Variants in COL21A1 observed in about 807,000 individuals in gnomAD.
The protein encoded by COL21A1 is collagen type XXI alpha 1 chain, also known as collagen alpha-1(XXI) chain.
COL21A1 carries 149 observed loss-of-function variants against 137.9 expected under a neutral mutation model. The observed-to-expected ratio is 1.08, with a 90% CI of 0.95 to 1.24. The LOEUF (loss-of-function observed/expected upper bound fraction) is 1.24. Ranked by LOEUF, COL21A1 falls within the 50% of genes most tolerant of loss-of-function variation. The probability of loss-of-function intolerance (pLI) is 0.00; values close to 1 mark genes in which losing one functional copy is unlikely to be tolerated. For synonymous variants in COL21A1, 456 were observed against 391.5 expected (o/e 1.16, Z -1.95); for missense variants, 1,167 against 1,158.4 (o/e 1.01, Z -0.11).
chr6:56,148,368 G>GAGAGAGAGAGAGAGAGAGAGAGAA lies in COL21A1; in HGVS notation c.1435-6386_1435-6385insTTCTCTCTCTCTCTCTCTCTCTCT, dbSNP rs1208798741. Among the ~76,000 whole-genome samples, 176 of 150,196 alleles carry GAGAGAGAGAGAGAGAGAGAGAGAA rather than the reference G, an allele frequency of 1.2e-3. 1 individual carries two copies. The highest frequency in any genetic ancestry group is 4.0e-3 in the African/African-American group (163 of 40,334). On this transcript the variant is annotated intron_variant, in intron 10 of 29. Transcript: ENST00000244728. Reference sequence around the variant, plus strand: ...AGAGAGAGAGAGAGAGAGAGAGAGAGAAACACATAAAATAAATAAATAAAT... The same window carrying GAGAGAGAGAGAGAGAGAGAGAGAA: ...AGAGAGAGAGAGAGAGAGAGAGAGAGAGAGAGAGAGAGAGAGAGAGAGAAAAACACATAAAATAAATAAATAAAT...
At chr6:56,260,440 G>A (rs538570297) in intron 1 of COL21A1, among the ~76,000 whole-genome samples, 58 of 151,770 alleles carry the variant, frequency 3.8e-4, no homozygotes, top group Non-Finnish European at 6.9e-4. Flanking sequence ...CAGGCGTGGT[G>A]GCATGTACCT....
chr6:56,359,047 T>C (rs1014755139), intron 1 of COL21A1, among the ~76,000 whole-genome samples: 4 of 143,494 alleles, frequency 2.8e-5, no homozygotes, highest in Non-Finnish European at 4.8e-5. Flanking sequence ...AAAACTTTCA[T>C]AGAATTTAGT....
chr6:56,116,907 T>C (rs1771985848), intron 16 of COL21A1, among the ~76,000 whole-genome samples: 1 of 151,882 alleles, frequency 6.6e-6, no homozygotes, highest in East Asian at 1.9e-4. Context: ...TAATGGGTTA[T>C]AAAATAATAT....
At chr6:56,196,049 G>A (rs983455485) in intron 1 of COL21A1, among the ~76,000 whole-genome samples, 1 of 152,118 alleles carries the variant, frequency 6.6e-6, no homozygotes, top group African/African-American at 2.4e-5. Flanking sequence ...TCCCTGAGAT[G>A]CAAGGATGGT....
chr6:56,124,280 C>T lies in COL21A1; in HGVS notation c.1663G>A (p.Glu555Lys). 6.2e-7 allele frequency: 1 copy of T among 1,603,026 alleles called. No homozygotes were observed. The highest frequency in any genetic ancestry group is 1.1e-5 in the South Asian group (1 of 88,660). Reference protein sequence around the residue: ...GFYGKKGAKGEKGNAGFPGLP... With the variant: ...GFYGKKGAKGKKGNAGFPGLP... Reference sequence around the variant, plus strand: ...CCAGGGAAGCCAGCATTCCCCTTTTCACCTTTTGCACCCTGTATCGAAAAC... The same window carrying T: ...CCAGGGAAGCCAGCATTCCCCTTTTTACCTTTTGCACCCTGTATCGAAAAC... Residue 555 changes from glutamate (E) to lysine (K), a missense_variant, in exon 15 of 30, where the codon GAA becomes AAA. Transcript: ENST00000244728.
At chr6:56,335,388 T>C (rs1765312459) in intron 1 of COL21A1, among the ~76,000 whole-genome samples, 1 of 152,156 alleles carries the variant, frequency 6.6e-6, no homozygotes, top group African/African-American at 2.4e-5. Context: ...GAAATCAGAT[T>C]GCTATCTCTA....
At chr6:56,071,248 A>T (rs1226469439) in intron 20 of COL21A1, among the ~76,000 whole-genome samples, 1 of 151,674 alleles carries the variant, frequency 6.6e-6, no homozygotes, top group Non-Finnish European at 1.5e-5. Flanking sequence ...TTTTTTGAAG[A>T]AGTGTGAATC....
chr6:56,212,695 T>G (rs949712817), intron 1 of COL21A1, among the ~76,000 whole-genome samples: 3 of 151,826 alleles, frequency 2.0e-5, no homozygotes, highest in Admixed American at 1.3e-4. Flanking sequence ...GAAAAATAGG[T>G]AACGAATTGA....
chr6:56,214,416 C>A (rs1780360446), intron 1 of COL21A1, among the ~76,000 whole-genome samples: 1 of 152,078 alleles, frequency 6.6e-6, no homozygotes. Flanking sequence ...TCATTACCAA[C>A]TTCACCTGGC....
chr6:56,078,246 G>C (rs1342915647), intron 17 of COL21A1: 1 of 455,268 alleles, frequency 2.2e-6, no homozygotes, highest in African/African-American at 2.0e-5. Flanking sequence ...AATAAATTTA[G>C]CACATTTATT....
intron 16 of COL21A1, among the ~76,000 whole-genome samples, chr6:56,108,131 T>C (rs1370297506): frequency 5.9e-5 from 9 of 151,584 alleles, no homozygotes; most frequent in Non-Finnish European, 1.5e-5. Context: ...TTTTCCTAAA[T>C]CCCAAAGAAA....
At chr6:56,098,696 A>AAT (rs1260833499) in intron 17 of COL21A1, among the ~76,000 whole-genome samples, 1 of 44,628 alleles carries the variant, frequency 2.2e-5, no homozygotes, top group African/African-American at 8.5e-5. Flanking sequence ...TAAATATATA[A>AAT]ATATATATAT....
intron 1 of COL21A1, among the ~76,000 whole-genome samples, chr6:56,190,722 C>T (rs989324948): frequency 6.6e-6 from 1 of 152,154 alleles, no homozygotes; most frequent in African/African-American, 2.4e-5. Flanking sequence ...CCCAGCAGCA[C>T]ATCAAAAACT....
At chr6:56,065,901 G>C (rs1766199077) in intron 23 of COL21A1, among the ~76,000 whole-genome samples, 1 of 151,934 alleles carries the variant, frequency 6.6e-6, no homozygotes, top group African/African-American at 2.4e-5. Context: ...GACTCAAGGA[G>C]ACCAGTTAGG....
At chr6:56,059,338 G>T (rs78472317) in intron 28 of COL21A1, 96 bp from the exon 29 acceptor site, 1 of 752,858 alleles carries the variant, frequency 1.3e-6, no homozygotes, top group Non-Finnish European at 2.0e-6. Flanking sequence ...AAAGAAAAAT[G>T]TCTTTTAAAA....
chr6:56,374,615 G>A (rs959241187), intron 1 of COL21A1, among the ~76,000 whole-genome samples: 3 of 151,444 alleles, frequency 2.0e-5, no homozygotes, highest in Admixed American at 6.6e-5. Context: ...CCAGCTACTC[G>A]GGAAGCTGAG....
At chr6:56,298,061 T>A (rs757872572) in intron 1 of COL21A1, among the ~76,000 whole-genome samples, 1 of 151,566 alleles carries the variant, frequency 6.6e-6, no homozygotes, top group Non-Finnish European at 1.5e-5. Context: ...TTCCTGGAGT[T>A]CAATTTCTTT....
Position 56,060,780 on chromosome 6 carries a change from C to G in COL21A1, c.2368G>C (p.Glu790Gln), listed in dbSNP as rs1490671294. 9 of 1,609,954 alleles carry G rather than the reference C, an allele frequency of 5.6e-6. No individual in the cohort carries two copies. Among genetic ancestry groups the G allele is most frequent in the Non-Finnish European group, 7.6e-6 (9 of 1,178,812 alleles). Residue 790 changes from glutamate (E) to glutamine (Q), a missense_variant, in exon 27 of 30, where the codon GAA becomes CAA. Coordinates refer to ENST00000244728, the MANE Select transcript of COL21A1 (RefSeq NM_030820.4). ...GTGCAAACTTGTCGAATAAATTGTT[C>G]TGAAAACTCTCTTCCCTGCATCAAA... ...LDGKPGREFS[E>Q]QFIRQVCTDV...
At position 56,233,119 on chromosome 6, in the gene COL21A1, A is replaced by C. The variant is rs529714761; in HGVS notation, c.-39+14268T>G. ...TCCACAGTAATCTATGAGTTTGGGC[A>C]CTTAGACTAGACTGACAAGACAGGC... On this transcript the variant is annotated intron_variant, in intron 1 of 29. Coordinates refer to ENST00000244728, the MANE Select transcript of COL21A1 (RefSeq NM_030820.4). Among the ~76,000 whole-genome samples the C allele has an allele frequency of 3.3e-5, 5 of 151,900 alleles. No homozygotes were observed. The East Asian group carries it at 7.8e-4, about 24-fold the overall frequency.
Sources: allele counts gnomAD v4.1 joint callset (sites outside exome capture counted in the v4.1 genomes callset), GRCh38; gene constraint gnomAD v4.1.1; transcripts MANE v1.5; gene names NCBI Gene and HGNC (gene_info 2026-07-23, HGNC 2026-07-21).